Variants in SGCZ observed in about 807,000 individuals in gnomAD.
SGCZ encodes zeta-sarcoglycan.
A neutral mutation model predicts 41.3 loss-of-function variants in SGCZ; 40 were observed. The observed-to-expected ratio is 0.97, with a 90% CI of 0.75 to 1.26. SGCZ has a LOEUF of 1.26. SGCZ is among the 50% of genes most tolerant of loss of function. The probability of loss-of-function intolerance (pLI) is 0.00; values close to 1 mark genes in which losing one functional copy is unlikely to be tolerated. For synonymous variants in SGCZ, 206 were observed against 137.5 expected (o/e 1.50, Z -3.49); for missense variants, 552 against 369.8 (o/e 1.49, Z -4.04).
chr8:14,375,503 G>C (rs994896228), intron 2 of SGCZ, among the ~76,000 whole-genome samples: 3 of 152,024 alleles, frequency 2.0e-5, no homozygotes, highest in African/African-American at 7.2e-5. Context: ...AGCATAAGTA[G>C]CATAAAGTCG....
intron 1 of SGCZ, among the ~76,000 whole-genome samples, chr8:14,910,323 A>G (rs1226261909): frequency 6.6e-6 from 1 of 152,120 alleles, no homozygotes; most frequent in Admixed American, 6.6e-5. Context: ...ATTAAAATTT[A>G]TTAAACATCT....
intron 1 of SGCZ, among the ~76,000 whole-genome samples, chr8:14,630,737 T>C (rs888754914): frequency 4.6e-5 from 7 of 151,958 alleles, no homozygotes; most frequent in African/African-American, 1.7e-4. Flanking sequence ...TGGATGAAGC[T>C]GGAAACCATC....
At chr8:15,105,304 A>C (rs1174027627) in intron 1 of SGCZ, among the ~76,000 whole-genome samples, 1 of 152,112 alleles carries the variant, frequency 6.6e-6, no homozygotes, top group Non-Finnish European at 1.5e-5. Context: ...ACAGATGTGT[A>C]TTAGTCTCAC....
At chr8:14,776,446 A>C (rs1310215820) in intron 1 of SGCZ, among the ~76,000 whole-genome samples, 2 of 151,494 alleles carry the variant, frequency 1.3e-5, no homozygotes, top group African/African-American at 4.9e-5. Context: ...TGTTTCCTTT[A>C]TAAATTACCC....
Position 15,222,957 on chromosome 8 carries a change from G to A in SGCZ, c.39+14628C>T, listed in dbSNP as rs544945249. On this transcript the variant is annotated intron_variant, in intron 1 of 7. Coordinates refer to ENST00000382080, the MANE Select transcript of SGCZ (RefSeq NM_139167.4). ...TACAAATTGCATGAGTTTCATGAAAGCATAGTTTGAGAACCACTGTTTTAA... is the reference window on the plus strand; with the variant it reads ...TACAAATTGCATGAGTTTCATGAAAACATAGTTTGAGAACCACTGTTTTAA... 2.4e-4 allele frequency among the ~76,000 whole-genome samples: 36 copies of A among 152,252 alleles called. 1 individual carries two copies. In the South Asian group the frequency reaches 7.5e-3, roughly 32 times the overall value.
At chr8:14,628,040 G>T (rs1018671047) in intron 1 of SGCZ, among the ~76,000 whole-genome samples, 1 of 151,980 alleles carries the variant, frequency 6.6e-6, no homozygotes, top group East Asian at 1.9e-4. Context: ...TTAAGCATAG[G>T]CAGGCCTCAT....
At chr8:14,727,096 G>A (rs1205892031) in intron 1 of SGCZ, among the ~76,000 whole-genome samples, 2 of 151,836 alleles carry the variant, frequency 1.3e-5, no homozygotes, top group African/African-American at 4.8e-5. Context: ...CGTATAAAGA[G>A]CACATACAAG....
chr8:14,271,133 C>G (rs1393318646), intron 3 of SGCZ, among the ~76,000 whole-genome samples: 2 of 151,672 alleles, frequency 1.3e-5, no homozygotes, highest in Non-Finnish European at 2.9e-5. Context: ...ACCAATATGG[C>G]ACATGTATAC....
chr8:14,860,680 G>A (rs1272277516), intron 1 of SGCZ, among the ~76,000 whole-genome samples: 2 of 136,514 alleles, frequency 1.5e-5, no homozygotes, highest in Non-Finnish European at 3.1e-5. Context: ...GGGAAAGAGA[G>A]AAAGAAAGAA....
chr8:14,555,004 G>T lies in SGCZ; in HGVS notation c.40-78C>A, dbSNP rs1431534727. The stretch of plus-strand genomic sequence containing the variant: ...AAAAAAATAAACCCATGATTTTTTT[G>T]AAACAAAAGAACAATGTACGTTAAA... On this transcript the variant is annotated intron_variant, in intron 1 of 7. Transcript: ENST00000382080. 3.9e-6 allele frequency: 5 copies of T among 1,277,292 alleles called. No individual in the cohort carries two copies. In the East Asian group the frequency reaches 9.5e-5, roughly 24 times the overall value. 79.1% of individuals were successfully genotyped at this position (1,277,292 alleles called of 1,614,324 possible).
At chr8:14,259,617 T>G (rs1436058208) in intron 3 of SGCZ, among the ~76,000 whole-genome samples, 2 of 131,854 alleles carry the variant, frequency 1.5e-5, no homozygotes, top group Non-Finnish European at 3.5e-5. Context: ...GATCAGATAG[T>G]TGTAGATATG....
intron 1 of SGCZ, among the ~76,000 whole-genome samples, chr8:15,033,143 C>T (rs1020808255): frequency 6.6e-6 from 1 of 150,958 alleles, no homozygotes; most frequent in Non-Finnish European, 1.5e-5. Flanking sequence ...GGTCCAGGCC[C>T]ATCCCACTAG....
intron 1 of SGCZ, among the ~76,000 whole-genome samples, chr8:14,700,261 G>A (rs1585192487): frequency 6.6e-6 from 1 of 151,898 alleles, no homozygotes; most frequent in Non-Finnish European, 1.5e-5. Flanking sequence ...TACATCATAG[G>A]ATACTACACA....
chr8:14,432,255 A>T (rs1396361683), intron 2 of SGCZ, among the ~76,000 whole-genome samples: 2 of 152,326 alleles, frequency 1.3e-5, no homozygotes, highest in Non-Finnish European at 2.9e-5. Context: ...CACAATTCGC[A>T]ATTGCAAAAA....
At chr8:14,783,738 A>G (rs1396133811) in intron 1 of SGCZ, among the ~76,000 whole-genome samples, 1 of 152,118 alleles carries the variant, frequency 6.6e-6, no homozygotes, top group Non-Finnish European at 1.5e-5. Flanking sequence ...TATCTGGGAT[A>G]ATAAAGCTTT....
chr8:14,720,053 A>C (rs1391598335), intron 1 of SGCZ, among the ~76,000 whole-genome samples: 2 of 152,054 alleles, frequency 1.3e-5, no homozygotes, highest in Non-Finnish European at 2.9e-5. Context: ...GAAGGGATCC[A>C]GTTTCAGCTT....
At chr8:14,197,046 C>A (rs960280698) in intron 4 of SGCZ, among the ~76,000 whole-genome samples, 2 of 152,128 alleles carry the variant, frequency 1.3e-5, no homozygotes, top group East Asian at 3.9e-4. Context: ...GGTTGCACAA[C>A]TGTAAATTTG....
At chr8:14,695,986 G>A (rs553919699) in intron 1 of SGCZ, among the ~76,000 whole-genome samples, 2 of 152,058 alleles carry the variant, frequency 1.3e-5, no homozygotes, top group African/African-American at 2.4e-5. Context: ...CCATATCAGT[G>A]AAATTTTATA....
intron 1 of SGCZ, among the ~76,000 whole-genome samples, chr8:14,950,908 A>G (rs1208499465): frequency 2.0e-5 from 3 of 152,072 alleles, no homozygotes; most frequent in Non-Finnish European, 2.9e-5. Flanking sequence ...TTAAATGGAA[A>G]GAGCCAAAAT....
Sources: gnomAD v4.1 joint callset for allele counts (sites outside exome capture counted in the v4.1 genomes callset) on GRCh38, gnomAD v4.1.1 for gene constraint, MANE v1.5 for transcripts, NCBI Gene and HGNC (gene_info 2026-07-23, HGNC 2026-07-21) for gene names.